The following DMTF1 variants were observed in gnomAD, a reference collection of about 807,000 sequenced individuals.
DMTF1 encodes cyclin D binding myb like transcription factor 1, also known as cyclin-D-binding Myb-like transcription factor 1.
DMTF1 carries 39 observed loss-of-function variants against 91.1 expected under a neutral mutation model. That is an observed-to-expected ratio of 0.43 (90% confidence interval 0.33 to 0.56). The LOEUF (loss-of-function observed/expected upper bound fraction) is 0.56, where lower values mean the gene tolerates loss of function less well. DMTF1 is among the 20% of genes least tolerant of loss of function. The probability of loss-of-function intolerance (pLI) is 0.05; values close to 1 mark genes in which losing one functional copy is unlikely to be tolerated. For missense variants in DMTF1, 750 were observed against 914.5 expected (o/e 0.82, Z 2.32); for synonymous variants, 338 against 309.5 (o/e 1.09, Z -0.97).
chr7:87,195,134 T>C lies in DMTF1; in HGVS notation c.2277T>C (p.Cys759=). Reference sequence around the variant, plus strand: ...AGGATGTCGAAGATTTGGTAAACTGTCATTAGAATAATTCTTAGAAATAGG... The same window carrying C: ...AGGATGTCGAAGATTTGGTAAACTGCCATTAGAATAATTCTTAGAAATAGG... The part of the protein sequence containing the change: ...DSKDVEDLVN[C]H Residue 759 remains cysteine (C), a synonymous_variant, in exon 18 of 18, where the codon TGT becomes TGC. Coordinates refer to ENST00000331242, the MANE Select transcript of DMTF1 (RefSeq NM_001142327.2). The C allele has an allele frequency of 6.2e-7, 1 of 1,605,226 alleles. No homozygotes were observed. Among genetic ancestry groups the C allele is most frequent in the South Asian group, 1.1e-5 (1 of 90,804 alleles).
At chr7:87,165,140 G>A in intron 3 of DMTF1, 90 bp downstream of exon 3, 2 of 757,584 alleles carry the variant, frequency 2.6e-6, no homozygotes, top group Non-Finnish European at 4.3e-6. Flanking sequence ...TAGGGGTCTA[G>A]GTGCCTATGA....
intron 2 of DMTF1, 73 bp from the exon 3 acceptor site, chr7:87,164,861 G>A (rs1278965959): frequency 1.3e-6 from 1 of 782,564 alleles, no homozygotes; most frequent in East Asian, 2.9e-5. Flanking sequence ...TGGTATTTCA[G>A]GGGATTATAA....
At chr7:87,166,982 A>G (rs575470342) in intron 4 of DMTF1, among the ~76,000 whole-genome samples, 1 of 152,286 alleles carries the variant, frequency 6.6e-6, no homozygotes, top group East Asian at 1.9e-4. Flanking sequence ...TGTCACATGC[A>G]TTTCCCCCTA....
At chr7:87,181,403 T>C in intron 9 of DMTF1, 62 bp downstream of exon 9, 1 of 834,308 alleles carries the variant, frequency 1.2e-6, no homozygotes, top group Non-Finnish European at 1.9e-6. Flanking sequence ...TTAAAAGTTT[T>C]ACTTTGAAAA....
intron 16 of DMTF1, chr7:87,194,335 T>G: frequency 2.0e-6 from 1 of 493,178 alleles, no homozygotes; most frequent in Admixed American, 4.0e-5. Flanking sequence ...TTTTCCTCTT[T>G]ACCTACAATA....
chr7:87,195,965 C>T lies in DMTF1; in HGVS notation c.*825C>T, dbSNP rs145596626. ...AATTACCGAGAGAATAGTTTGTCAT[C>T]CACTTAGTGTGTTAGCTGGTGGGGT... On this transcript the variant is annotated 3_prime_UTR_variant, in exon 18 of 18. Transcript: ENST00000331242. The T allele has an allele frequency of 8.5e-5, 13 of 152,258 alleles. No individual in the cohort carries two copies. Among genetic ancestry groups the T allele is most frequent in the African/African-American group, 2.4e-4 (10 of 41,456 alleles). The allele number at this position is 152,258 out of a possible 1,614,324, so 9.4% of individuals were successfully genotyped here. A position where few individuals can be genotyped will look rare whatever the true frequency, so the allele number is the denominator to read the frequency against.
intron 7 of DMTF1, among the ~76,000 whole-genome samples, chr7:87,176,216 A>G (rs1003672432): frequency 2.0e-5 from 3 of 152,190 alleles, no homozygotes; most frequent in African/African-American, 7.2e-5. Flanking sequence ...AGAATTTTAA[A>G]ACTCTAATTC....
chr7:87,195,357 G>A lies in DMTF1; in HGVS notation c.*217G>A. On this transcript the variant is annotated 3_prime_UTR_variant, in exon 18 of 18. Transcript: ENST00000331242. The stretch of plus-strand genomic sequence containing the variant: ...GACAGTATGTAGTTGAGTGGAGGCT[G>A]GGAGTTTTAAGCATAAATCCCTGTT... The A allele has an allele frequency of 2.5e-6, 1 of 405,392 alleles. No homozygotes were observed. Among genetic ancestry groups the A allele is most frequent in the Non-Finnish European group, 4.4e-6 (1 of 225,986 alleles). The allele number at this position is 405,392 out of a possible 1,614,324, so 25.1% of individuals were successfully genotyped here. A position where few individuals can be genotyped will look rare whatever the true frequency, so the allele number is the denominator to read the frequency against.
rs756358222 is a variant in DMTF1 at position 87,166,656 on chromosome 7, T to G, written c.232+51T>G. 5 of 1,584,428 alleles carry G rather than the reference T, an allele frequency of 3.2e-6. No individual in the cohort carries two copies. In the Admixed American group the frequency reaches 8.7e-5, roughly 27 times the overall value. On this transcript the variant is annotated intron_variant, in intron 4 of 17. Coordinates refer to ENST00000331242, the MANE Select transcript of DMTF1 (RefSeq NM_001142327.2). ...TAGAGTTCCCTTTTAAAATCAAAGT[T>G]TAGCTTCCAAGGCTTTCAGTTGGCA...
intron 7 of DMTF1, among the ~76,000 whole-genome samples, chr7:87,177,804 A>C (rs981297948): frequency 3.3e-5 from 5 of 152,058 alleles, no homozygotes; most frequent in African/African-American, 1.2e-4. Flanking sequence ...CCTAATTTAC[A>C]GTGTCCATTC....
chr7:87,185,132 A>G (rs1798137618), intron 11 of DMTF1: 1 of 227,414 alleles, frequency 4.4e-6, no homozygotes, highest in African/African-American at 2.3e-5. Flanking sequence ...TTAAGATATC[A>G]TAATCCCAGC....
intron 3 of DMTF1, among the ~76,000 whole-genome samples, chr7:87,166,195 C>T (rs1793787570): frequency 6.6e-6 from 1 of 152,228 alleles, no homozygotes; most frequent in Admixed American, 6.5e-5. Context: ...TCTCATACGT[C>T]TGTGTCATTG....
rs951106376 is a variant in DMTF1 at position 87,165,087 on chromosome 7, G to C, written c.109+37G>C. On this transcript the variant is annotated intron_variant, in intron 3 of 17. Transcript: ENST00000331242. ...TGCTGACATATAATTCTGACTCTCT[G>C]AATTTATGAATTCCATGTCACTTTT... 4.1e-6 allele frequency: 6 copies of C among 1,462,488 alleles called. No individual in the cohort carries two copies. The African/African-American group carries it at 5.6e-5, about 14-fold the overall frequency. 90.6% of individuals were successfully genotyped at this position (1,462,488 alleles called of 1,614,324 possible). A position where few individuals can be genotyped will look rare whatever the true frequency, so the allele number is the denominator to read the frequency against.
intron 4 of DMTF1, among the ~76,000 whole-genome samples, chr7:87,170,423 G>T (rs568632070): frequency 1.3e-5 from 2 of 152,276 alleles, no homozygotes; most frequent in South Asian, 4.1e-4. Context: ...GCTTACAAGG[G>T]CTTACACAAT....
chr7:87,181,317 C>A lies in DMTF1; in HGVS notation c.686C>A (p.Pro229His). The A allele has an allele frequency of 2.3e-6, 3 of 1,284,962 alleles. No individual in the cohort carries two copies. Among genetic ancestry groups the A allele is most frequent in the Non-Finnish European group, 3.3e-6 (3 of 905,480 alleles). 79.6% of individuals were successfully genotyped at this position (1,284,962 alleles called of 1,614,324 possible). ...DDRNHVGKYT[P>H]EEIEKLKELR... is the part of the protein sequence containing the mutation. ...TTTCTCTGAATTTCTAGATATACAC[C>A]TGAAGAAATTGAGAAGCTCAAGGAG... Residue 229 changes from proline (P) to histidine (H), a missense_variant, in exon 9 of 18, where the codon CCT becomes CAT. By Grantham distance (77) the Pro-to-His change is moderately conservative. Transcript: ENST00000331242.
At chr7:87,191,949 C>T (rs1447251272) in intron 14 of DMTF1, among the ~76,000 whole-genome samples, 1 of 152,072 alleles carries the variant, frequency 6.6e-6, no homozygotes, top group African/African-American at 2.4e-5. Context: ...AGCCAAATCC[C>T]AAGAGGATGG....
intron 4 of DMTF1, among the ~76,000 whole-genome samples, chr7:87,168,054 A>G (rs1284175690): frequency 6.6e-6 from 1 of 152,240 alleles, no homozygotes; most frequent in Non-Finnish European, 1.5e-5. Context: ...GTATGTTGAC[A>G]TGAAAGCACA....
At chr7:87,188,653 G>A (rs1799017085) in intron 13 of DMTF1, among the ~76,000 whole-genome samples, 1 of 152,092 alleles carries the variant, frequency 6.6e-6, no homozygotes, top group South Asian at 2.1e-4. Context: ...TTCACCAACT[G>A]GTATGTCGTG....
intron 10 of DMTF1, 45 bp downstream of exon 10, chr7:87,182,382 C>A (rs548797479): frequency 6.3e-7 from 1 of 1,585,540 alleles, no homozygotes; most frequent in Non-Finnish European, 8.7e-7. Context: ...ACCACTTAAG[C>A]CTCCTGCCCC....
Sources: allele counts gnomAD v4.1 joint callset (sites outside exome capture counted in the v4.1 genomes callset), GRCh38; gene constraint gnomAD v4.1.1; transcripts MANE v1.5; gene names NCBI Gene and HGNC (gene_info 2026-07-23, HGNC 2026-07-21).